WWOX: variants seen among roughly 807,000 people sequenced by gnomAD.
The protein encoded by WWOX is WW domain-containing oxidoreductase.
A neutral mutation model predicts 46.2 loss-of-function variants in WWOX; 69 were observed. The ratio of observed to expected loss-of-function variants is 1.49; its 90% CI spans 1.23 to 1.82. The LOEUF (loss-of-function observed/expected upper bound fraction) is 1.82. WWOX is among the 40% of genes most tolerant of loss of function. WWOX has a pLI of 0.00. For synonymous variants in WWOX, 359 were observed against 202.6 expected, an observed-to-expected ratio of 1.77 and a Z score of -6.56; for missense variants, 919 against 542.6, an observed-to-expected ratio of 1.69 and a Z score of -6.89.
rs1324839386 is a variant in WWOX, at chr16:79,120,704, C to T, written c.1057-90904C>T. On this transcript the variant is annotated intron_variant, in intron 8 of 8. Transcript: ENST00000566780. ...TTAACTGGTGGTCACATTACTCTAT[C>T]TGTGCCTCCATGGTCACTTGGACTT... Among the ~76,000 whole-genome samples, 4 of 152,324 alleles carry T rather than the reference C, an allele frequency of 2.6e-5. No individual in the cohort carries two copies. The South Asian group carries it at 8.3e-4, about 32-fold the overall frequency.
intron 8 of WWOX, chr16:78,896,903 A>C (rs1567633778): frequency 6.6e-6 from 1 of 152,036 alleles, no homozygotes; most frequent in South Asian, 2.1e-4. Context: ...ACGTGTACAT[A>C]ATCATGGATC....
rs538880972 is a variant in WWOX at position 78,334,924 on chromosome 16, TAA to T, written c.517-51923_517-51922del. 4.9e-4 allele frequency among the ~76,000 whole-genome samples: 69 copies of T among 140,460 alleles called. 1 individual carries two copies. Among genetic ancestry groups the T allele is most frequent in the African/African-American group, 1.6e-3 (62 of 38,400 alleles). 92.1% of individuals were successfully genotyped at this position (140,460 alleles called of 152,430 possible). ...TCATTGAGGAGATACCATCTTTTTTTAAAAAAAAAAAAAAGGCAGCAAAATGT... is the reference window on the plus strand; with the variant it reads ...TCATTGAGGAGATACCATCTTTTTTTAAAAAAAAAAAAGGCAGCAAAATGT... On this transcript the variant is annotated intron_variant, in intron 5 of 8. Transcript: ENST00000566780.
chr16:78,805,706 A>G (rs1740200713), intron 8 of WWOX, among the ~76,000 whole-genome samples: 1 of 152,196 alleles, frequency 6.6e-6, no homozygotes, highest in African/African-American at 2.4e-5. Context: ...GGGAGTGTCA[A>G]AAATAAGTCA....
chr16:78,821,912 C>T (rs1040948908), intron 8 of WWOX, among the ~76,000 whole-genome samples: 1 of 152,202 alleles, frequency 6.6e-6, no homozygotes, highest in African/African-American at 2.4e-5. Context: ...CAGAATCTCA[C>T]TGTGTTGCTC....
At chr16:78,683,538 T>C (rs2047780001) in intron 8 of WWOX, among the ~76,000 whole-genome samples, 1 of 125,762 alleles carries the variant, frequency 8.0e-6, no homozygotes, top group African/African-American at 3.2e-5. Context: ...AGACTCTATC[T>C]CAAAAAAAAA....
Position 78,334,692 on chromosome 16 carries a change from C to T in WWOX, c.517-52168C>T, listed in dbSNP as rs193266666. Among the ~76,000 whole-genome samples, 180 of 152,010 alleles carry T rather than the reference C, an allele frequency of 1.2e-3. 1 individual carries two copies. Among genetic ancestry groups the T allele is most frequent in the African/African-American group, 4.2e-3 (174 of 41,448 alleles). On this transcript the variant is annotated intron_variant, in intron 5 of 8. Transcript: ENST00000566780. ...CCCAGTTTCCACAGAGAAAAAGCCA[C>T]ATTGTTTTTAAATAGCTAACTAAAC...
chr16:78,672,623 A>G (rs184705747), intron 8 of WWOX, among the ~76,000 whole-genome samples: 1 of 152,354 alleles, frequency 6.6e-6, no homozygotes, highest in East Asian at 1.9e-4. Context: ...GCAGAACCAG[A>G]TCTTACCATT....
chr16:78,594,549 T>A (rs1189577046), intron 8 of WWOX, among the ~76,000 whole-genome samples: 1 of 149,538 alleles, frequency 6.7e-6, no homozygotes, highest in East Asian at 2.0e-4. Flanking sequence ...CTCAATCACC[T>A]GGCTCAAACT....
rs187208450 is a variant in WWOX at position 78,183,985 on chromosome 16, G to A, written c.516+19696G>A. 1.1e-3 allele frequency among the ~76,000 whole-genome samples: 161 copies of A among 152,228 alleles called. 1 individual carries two copies. The highest frequency in any genetic ancestry group is 1.9e-4 in the Non-Finnish European group (13 of 68,018). On this transcript the variant is annotated intron_variant, in intron 5 of 8. Transcript: ENST00000566780. Reference sequence around the variant, plus strand: ...AAAGCCTGCACAAACACTTTGGGCAGGCTTCAGCAACTTCACATCAAGGGC... The same window carrying A: ...AAAGCCTGCACAAACACTTTGGGCAAGCTTCAGCAACTTCACATCAAGGGC...
chr16:79,043,345 A>G (rs2048007774), intron 8 of WWOX, among the ~76,000 whole-genome samples: 1 of 152,212 alleles, frequency 6.6e-6, no homozygotes, highest in Non-Finnish European at 1.5e-5. Flanking sequence ...TTTTTGATTT[A>G]TGAAAAATTT....
At chr16:78,744,488 G>T (rs983175189) in intron 8 of WWOX, among the ~76,000 whole-genome samples, 27 of 136,658 alleles carry the variant, frequency 2.0e-4, no homozygotes, top group African/African-American at 6.8e-4. Context: ...CTGGAGTGCA[G>T]TGGCACAGTC....
At chr16:78,314,643 G>A (rs1251069414) in intron 5 of WWOX, among the ~76,000 whole-genome samples, 1 of 141,806 alleles carries the variant, frequency 7.1e-6, no homozygotes, top group East Asian at 2.2e-4. Flanking sequence ...TTCTGCCTCA[G>A]CCCCCTGAGT....
At chr16:78,964,693 G>A (rs2046333186) in intron 8 of WWOX, among the ~76,000 whole-genome samples, 2 of 152,218 alleles carry the variant, frequency 1.3e-5, no homozygotes, top group African/African-American at 4.8e-5. Context: ...TAATCTCGAA[G>A]ACCATGAGGA....
chr16:78,668,980 A>G (rs983116747), intron 8 of WWOX, among the ~76,000 whole-genome samples: 1 of 152,220 alleles, frequency 6.6e-6, no homozygotes, highest in Admixed American at 6.5e-5. Flanking sequence ...AAAAATTGTT[A>G]GAAGAGCTAA....
intron 5 of WWOX, among the ~76,000 whole-genome samples, chr16:78,358,234 G>A (rs560145556): frequency 6.6e-6 from 1 of 152,132 alleles, no homozygotes; most frequent in Non-Finnish European, 1.5e-5. Context: ...AGAAGAAAAA[G>A]TGCTGTCATC....
At chr16:78,774,890 A>C (rs2050152322) in intron 8 of WWOX, among the ~76,000 whole-genome samples, 2 of 152,208 alleles carry the variant, frequency 1.3e-5, no homozygotes, top group South Asian at 2.1e-4. Flanking sequence ...CAGAGCACTA[A>C]GACAGATGGA....
intron 8 of WWOX, among the ~76,000 whole-genome samples, chr16:78,639,682 G>A (rs1012688286): frequency 1.3e-5 from 2 of 152,054 alleles, no homozygotes; most frequent in Non-Finnish European, 2.9e-5. Context: ...TCCTGCCTCA[G>A]CCTCTGGAGT....
At chr16:78,900,234 T>C (rs2044796453) in intron 8 of WWOX, among the ~76,000 whole-genome samples, 1 of 152,080 alleles carries the variant, frequency 6.6e-6, no homozygotes, top group Admixed American at 6.6e-5. Context: ...GATTAAAGTC[T>C]TTTCTCCTCC....
At chr16:79,031,190 C>T (rs1366027137) in intron 8 of WWOX, among the ~76,000 whole-genome samples, 1 of 152,098 alleles carries the variant, frequency 6.6e-6, no homozygotes, top group Non-Finnish European at 1.5e-5. Flanking sequence ...GCCTTCGCCC[C>T]CTTCTTGAGG....
Sources: gnomAD v4.1 joint callset for allele counts (sites outside exome capture counted in the v4.1 genomes callset) on GRCh38, gnomAD v4.1.1 for gene constraint, MANE v1.5 for transcripts, NCBI Gene and HGNC (gene_info 2026-07-23, HGNC 2026-07-21) for gene names.